ANKRD2: variants seen among roughly 807,000 people sequenced by gnomAD.
ANKRD2 encodes ankyrin repeat domain 2.
In ANKRD2, 35 loss-of-function variants were observed where a neutral mutation model predicts 37.3. That is an observed-to-expected ratio of 0.94 (90% CI 0.72 to 1.24). The LOEUF (loss-of-function observed/expected upper bound fraction) is 1.24, where lower values mean the gene tolerates loss of function less well. ANKRD2 is among the 50% of genes most tolerant of loss of function. ANKRD2 has a pLI of 0.00. For synonymous variants in ANKRD2, 159 were observed against 186.5 expected (o/e 0.85, Z 1.20); for missense variants, 410 against 445.6 (o/e 0.92, Z 0.72).
In ANKRD2 at chr10:97,582,224, G is replaced by C. The variant is rs957707895; in HGVS notation, c.655-91G>C. The stretch of plus-strand genomic sequence containing the variant: ...CCTTGGCACTAGGACTTGGAAGAGG[G>C]ATTAAGCTGGAGTTAGGACAGCCCC... On this transcript the variant is annotated intron_variant, in intron 6 of 8. Coordinates refer to ENST00000370655, the MANE Select transcript of ANKRD2 (RefSeq NM_001346793.2). 4.7e-6 allele frequency: 5 copies of C among 1,059,870 alleles called. No homozygotes were observed. The African/African-American group carries it at 7.8e-5, about 17-fold the overall frequency. The allele number at this position is 1,059,870 out of a possible 1,614,324, so 65.7% of individuals were successfully genotyped here. A position where few individuals can be genotyped will look rare whatever the true frequency, so the allele number is the denominator to read the frequency against.
chr10:97,579,892 C>T (rs551661676), intron 4 of ANKRD2, among the ~76,000 whole-genome samples: 1 of 152,172 alleles, frequency 6.6e-6, no homozygotes, highest in African/African-American at 2.4e-5. Context: ...CCACCGTGTC[C>T]GGCCCCTTAC....
Position 97,581,348 on chromosome 10 carries a change from CG to C in ANKRD2, c.593del (p.Gly198AlafsTer3), listed in dbSNP as rs1564751460. ...GCACAGCCATGCATTGGGCCTGCCG[CG>C]GGGGCCACTTAGAGGTGGTGAAACT... Reference protein sequence around the residue: ...DCTAMHWACRGGHLEVVKLLQ... With the variant: ...DCTAMHWACRXGHLEVVKLLQ... On this transcript the variant is annotated frameshift_variant, in exon 6 of 9. Transcript: ENST00000370655. LOFTEE classifies it high-confidence loss of function. 3 of 1,614,122 alleles carry C rather than the reference CG, an allele frequency of 1.9e-6. No individual in the cohort carries two copies. The highest frequency in any genetic ancestry group is 8.5e-7 in the Non-Finnish European group (1 of 1,180,000).
intron 1 of ANKRD2, among the ~76,000 whole-genome samples, chr10:97,575,030 C>T (rs1382531342): frequency 6.6e-6 from 1 of 152,224 alleles, no homozygotes; most frequent in Non-Finnish European, 1.5e-5. Context: ...GGCATTCTCC[C>T]ATTTAATCTG....
rs2040935766 is a variant in ANKRD2, at chr10:97,583,718, C to A, written c.995C>A (p.Ala332Asp). The part of the protein sequence containing the change: ...SGRETPQPVP[A>D]Q The stretch of plus-strand genomic sequence containing the variant: ...CGAGAGACCCCTCAGCCTGTGCCAG[C>A]CCAGTGAATGCGTGCCCCAGCCCAG... Residue 332 changes from alanine (A) to aspartate (D), a missense_variant, in exon 9 of 9, where the codon GCC (alanine) becomes GAC (aspartate). By Grantham distance (126) the Ala-to-Asp change is moderately radical. Coordinates refer to ENST00000370655, the MANE Select transcript of ANKRD2 (RefSeq NM_001346793.2). The A allele has an allele frequency of 3.2e-6, 5 of 1,543,276 alleles. No homozygotes were observed.
rs1213552170 is a variant in ANKRD2 at position 97,578,533 on chromosome 10, T to C, written c.384T>C (p.Ala128=). ...TGGATGAGGAGACCTTCCTGAAAGC[T>C]GCGGTGGAGGGGAAAATGAAGGTCA... ...GPVDEETFLK[A]AVEGKMKVIE... The change falls in exon 4 of 9, where the codon GCT becomes GCC. Residue 128 remains alanine (A), a synonymous_variant. Coordinates refer to ENST00000370655, the MANE Select transcript of ANKRD2 (RefSeq NM_001346793.2). 6.3e-7 allele frequency: 1 copy of C among 1,577,472 alleles called. No homozygotes were observed. Among genetic ancestry groups the C allele is most frequent in the Non-Finnish European group, 8.6e-7 (1 of 1,161,224 alleles).
intron 2 of ANKRD2, 27 bp from the exon 3 acceptor site, chr10:97,578,213 G>T (rs7918914): frequency 8.3e-6 from 13 of 1,568,998 alleles, no homozygotes; most frequent in East Asian, 2.4e-5. Flanking sequence ...TGCCCGGCCT[G>T]GGGGGTTGAT....
upstream of ANKRD2, chr10:97,572,584 T>C (rs934529051): frequency 8.1e-6 from 10 of 1,230,496 alleles, no homozygotes; most frequent in African/African-American, 1.4e-4. Flanking sequence ...CCGGCTCTAA[T>C]AGGCCAGGAG....
intron 1 of ANKRD2, 83 bp from the exon 2 acceptor site, chr10:97,577,717 C>T: frequency 2.6e-6 from 3 of 1,135,006 alleles, no homozygotes; most frequent in South Asian, 1.5e-5. Flanking sequence ...GAGGATGTCT[C>T]TGTGGGGTGT....
In ANKRD2 at chr10:97,578,528, A is replaced by C. The variant is rs748409262; in HGVS notation, c.379A>C (p.Lys127Gln). The change falls in exon 4 of 9, where the codon AAA becomes CAA. Residue 127 changes from lysine (K) to glutamine (Q), a missense_variant. Lys to Gln is a moderately conservative substitution (Grantham distance 53). Coordinates refer to ENST00000370655, the MANE Select transcript of ANKRD2 (RefSeq NM_001346793.2). Reference sequence around the variant, plus strand: ...CCCTGTGGATGAGGAGACCTTCCTGAAAGCTGCGGTGGAGGGGAAAATGAA... The same window carrying C: ...CCCTGTGGATGAGGAGACCTTCCTGCAAGCTGCGGTGGAGGGGAAAATGAA... ...TGPVDEETFL[K>Q]AAVEGKMKVI... is the part of the protein sequence containing the mutation. 2 of 1,578,742 alleles carry C rather than the reference A, an allele frequency of 1.3e-6. No homozygotes were observed. The highest frequency in any genetic ancestry group is 4.6e-5 in the East Asian group (2 of 43,100).
intron 8 of ANKRD2, among the ~76,000 whole-genome samples, chr10:97,583,190 A>AGCATTC (rs1420067790): frequency 6.6e-6 from 1 of 152,200 alleles, no homozygotes; most frequent in Non-Finnish European, 1.5e-5. Flanking sequence ...TGGGGCCCAG[A>AGCATTC]GCATTCACAA....
intron 2 of ANKRD2, 147 bp downstream of exon 2, chr10:97,578,048 C>T: frequency 1.9e-6 from 2 of 1,080,426 alleles, no homozygotes; most frequent in Middle Eastern, 3.1e-4. Context: ...CGCCCCGTCC[C>T]AGAACTACTG....
At position 97,581,539 on chromosome 10, in the gene ANKRD2, G is replaced by C. The variant is rs1321317217; in HGVS notation, c.654+125G>C. 4.2e-6 allele frequency: 4 copies of C among 956,008 alleles called. No individual in the cohort carries two copies. The African/African-American group carries it at 6.5e-5, about 16-fold the overall frequency. 59.2% of individuals were successfully genotyped at this position (956,008 alleles called of 1,614,324 possible). ...AGCTAGTCTGGTTTCTGGCTGCAGA[G>C]CAGGGAAGCTAAAACAGTGTCCTAC... is the stretch of plus-strand genomic sequence containing the variant. On this transcript the variant is annotated intron_variant, in intron 6 of 8. Coordinates refer to ENST00000370655, the MANE Select transcript of ANKRD2 (RefSeq NM_001346793.2).
upstream of ANKRD2, chr10:97,572,741 G>C (rs746966764): frequency 2.5e-6 from 4 of 1,604,860 alleles, no homozygotes; most frequent in Non-Finnish European, 3.4e-6. Flanking sequence ...AGGGGTGGGT[G>C]CTCTGGCCTA....
At chr10:97,581,047 A>T in intron 5 of ANKRD2, 94 bp downstream of exon 5, 1 of 1,204,750 alleles carries the variant, frequency 8.3e-7, no homozygotes, top group South Asian at 1.4e-5. Context: ...CCTGAAGCAT[A>T]AACAGGTTGC....
In ANKRD2 at chr10:97,578,316, T is replaced by A. The variant is rs760020179; in HGVS notation, c.266T>A (p.Ile89Asn). ...GATGTGGGCGGGATCCAGAACCTCA[T>A]CGAGCTGCGGAAGAAACGCAAGCAG... ...IIDVGGIQNL[I>N]ELRKKRKQKK... is the part of the protein sequence containing the mutation. The change falls in exon 3 of 9, where the codon ATC becomes AAC. Residue 89 changes from isoleucine to asparagine, a missense_variant. Physicochemically the swap from Ile to Asn is moderately radical, Grantham distance 149. Transcript: ENST00000370655. The A allele has an allele frequency of 6.2e-7, 1 of 1,613,164 alleles. No homozygotes were observed. Among genetic ancestry groups the A allele is most frequent in the Non-Finnish European group, 8.5e-7 (1 of 1,179,922 alleles).
At chr10:97,583,337 G>A (rs1048257075) in intron 8 of ANKRD2, among the ~76,000 whole-genome samples, 1 of 152,156 alleles carries the variant, frequency 6.6e-6, no homozygotes, top group East Asian at 1.9e-4. Flanking sequence ...GTGATTGTTT[G>A]TTGTAGGGGA....
chr10:97,572,929 G>A (rs2040778956), intron 1 of ANKRD2, 54 bp downstream of exon 1: 1 of 1,523,828 alleles, frequency 6.6e-7, no homozygotes, highest in Admixed American at 2.0e-5. Context: ...CAGTTCTGCT[G>A]TCAAGGGGAG....
chr10:97,577,282 AG>A (rs745518998), intron 1 of ANKRD2, among the ~76,000 whole-genome samples: 4 of 151,324 alleles, frequency 2.6e-5, no homozygotes, highest in Non-Finnish European at 5.9e-5. Flanking sequence ...GGGATTATAG[AG>A]GTGAGCCACT....
At chr10:97,583,227 G>A (rs917576445) in intron 8 of ANKRD2, among the ~76,000 whole-genome samples, 5 of 152,152 alleles carry the variant, frequency 3.3e-5, no homozygotes, top group African/African-American at 1.2e-4. Flanking sequence ...AGTCCCTCGG[G>A]CTCAAGAAAG....
Sources: gnomAD v4.1 joint callset for allele counts (sites outside exome capture counted in the v4.1 genomes callset) on GRCh38, gnomAD v4.1.1 for gene constraint, MANE v1.5 for transcripts, NCBI Gene and HGNC (gene_info 2026-07-23, HGNC 2026-07-21) for gene names.